Variants in UNC5A observed in about 807,000 individuals in gnomAD.
The protein encoded by UNC5A is unc-5 netrin receptor A.
UNC5A carries 20 observed loss-of-function variants against 87.4 expected under a neutral mutation model. That is an observed-to-expected ratio of 0.23 (90% confidence interval 0.16 to 0.33). UNC5A has a LOEUF of 0.33. Ranked by LOEUF, UNC5A falls within the 10% of genes least tolerant of loss-of-function variation. The pLI, the probability that UNC5A is intolerant of heterozygous loss-of-function variation, is 1.00. For missense variants in UNC5A, 844 were observed against 1,133.4 expected (o/e 0.74, Z 3.67); for synonymous variants, 438 against 482.3 (o/e 0.91, Z 1.20).
chr5:176,837,874 C>G (rs1026531012), intron 1 of UNC5A, among the ~76,000 whole-genome samples: 1 of 152,120 alleles, frequency 6.6e-6, no homozygotes, highest in Non-Finnish European at 1.5e-5. Context: ...GAGGCTGTCC[C>G]TCTGCGGACT....
At chr5:176,831,551 G>C (rs1167237530) in intron 1 of UNC5A, among the ~76,000 whole-genome samples, 1 of 152,224 alleles carries the variant, frequency 6.6e-6, no homozygotes, top group African/African-American at 2.4e-5. Context: ...AAGGGGCCTA[G>C]CCGTGGGCTG....
In UNC5A at chr5:176,869,024, A is replaced by T. The variant is rs1016433721; in HGVS notation, c.721+60A>T. ...CACTGCGGTGCCCCTGGGCAGTGAC[A>T]TGTGGCTGGTGGGGTGAAGAGAGGC... On this transcript the variant is annotated intron_variant, in intron 5 of 14. Transcript: ENST00000329542. This position sits in a 1 kb window ranked among gnomAD's most constrained non-coding sequence, Gnocchi z 9.1. 1.6e-5 allele frequency: 24 copies of T among 1,521,096 alleles called. No homozygotes were observed. In the Middle Eastern group the frequency reaches 9.6e-4, roughly 61 times the overall value. 94.2% of individuals were successfully genotyped at this position (1,521,096 alleles called of 1,614,324 possible).
intron 10 of UNC5A, 62 bp downstream of exon 10, chr5:176,877,765 G>T: frequency 6.5e-7 from 1 of 1,529,048 alleles, no homozygotes; most frequent in Non-Finnish European, 8.8e-7. Flanking sequence ...GCTCCACCCG[G>T]CCTTCCACCG....
At chr5:176,829,416 AATGGATGGATGG>A (rs770947463) in intron 1 of UNC5A, among the ~76,000 whole-genome samples, 2 of 75,958 alleles carry the variant, frequency 2.6e-5, no homozygotes, top group East Asian at 4.4e-4. Context: ...ATGAAAGATG[AATGGATGGATGG>A]ATGGATGGAT....
intron 1 of UNC5A, among the ~76,000 whole-genome samples, chr5:176,818,652 C>A (rs1756654048): frequency 6.6e-6 from 1 of 152,164 alleles, no homozygotes; most frequent in African/African-American, 2.4e-5. Context: ...TGCCCGATCT[C>A]CCCCACCACA....
chr5:176,854,250 C>T (rs1039677432), intron 1 of UNC5A, among the ~76,000 whole-genome samples: 1 of 152,092 alleles, frequency 6.6e-6, no homozygotes, highest in Non-Finnish European at 1.5e-5. Flanking sequence ...CACTCCCCAC[C>T]TTGCCCTCCT....
intron 1 of UNC5A, among the ~76,000 whole-genome samples, chr5:176,842,908 T>A (rs1222805430): frequency 1.3e-5 from 2 of 152,052 alleles, no homozygotes; most frequent in African/African-American, 4.8e-5. Flanking sequence ...ACACCTGTAA[T>A]CCCAACACTT....
At chr5:176,839,807 CTTTTTT>C (rs58515865) in intron 1 of UNC5A, among the ~76,000 whole-genome samples, 7 of 123,886 alleles carry the variant, frequency 5.7e-5, no homozygotes, top group African/African-American at 2.3e-4. Flanking sequence ...CGGCCACTTC[CTTTTTT>C]TTTTTTTTTT....
intron 1 of UNC5A, among the ~76,000 whole-genome samples, chr5:176,817,919 G>A (rs919061164): frequency 6.6e-6 from 1 of 152,138 alleles, no homozygotes; most frequent in African/African-American, 2.4e-5. Context: ...AGCCGGGAAG[G>A]GGCGGGATGC....
chr5:176,855,937 G>A (rs1757656755), intron 1 of UNC5A, among the ~76,000 whole-genome samples: 1 of 152,136 alleles, frequency 6.6e-6, no homozygotes, highest in African/African-American at 2.4e-5. Context: ...CTGGCCCCTC[G>A]CTGTGTTCCT....
intron 1 of UNC5A, among the ~76,000 whole-genome samples, chr5:176,858,525 A>G (rs1757719937): frequency 6.6e-6 from 1 of 152,080 alleles, no homozygotes; most frequent in African/African-American, 2.4e-5. Flanking sequence ...TGAAACACCC[A>G]TGGGAGCCAG....
rs1212245117 is a variant in UNC5A at position 176,865,405 on chromosome 5, C to T, written c.292+2560C>T. 2.2e-5 allele frequency: 8 copies of T among 355,698 alleles called. No individual in the cohort carries two copies. The East Asian group carries it at 3.8e-4, about 17-fold the overall frequency. The allele number at this position is 355,698 out of a possible 1,614,324, so 22.0% of individuals were successfully genotyped here. On this transcript the variant is annotated intron_variant, in intron 2 of 14. Coordinates refer to ENST00000329542, the MANE Select transcript of UNC5A (RefSeq NM_133369.3). The surrounding 1 kb of genome is among the most constrained non-coding windows in gnomAD (Gnocchi z 5.3). ...AGTCGCAGGCCCGGGCCGGCACACA[C>T]ACCGGGAGCCCCTGGCCCACACTCC...
In UNC5A at chr5:176,868,879, C is replaced by T. The variant is rs1469236319; in HGVS notation, c.636C>T (p.Arg212=). 6.2e-7 allele frequency: 1 copy of T among 1,612,912 alleles called. No individual in the cohort carries two copies. Among genetic ancestry groups the T allele is most frequent in the Admixed American group, 1.7e-5 (1 of 60,012 alleles). ...ACAGCCTGGTGGTGCGACAGGCCCG[C>T]CTTGCTGACACGGCCAACTACACCT... ...REHSLVVRQA[R]LADTANYTCV... Residue 212 remains arginine, a synonymous_variant, in exon 5 of 15, where the codon CGC becomes CGT. Transcript: ENST00000329542.
rs1270264067 is a variant in UNC5A at position 176,825,872 on chromosome 5, G to A, written c.70+15052G>A. ...AAACATTTATTGAGCACCTGCTGGC[G>A]CCAGGCCCGGCGTCAGGTGCCACAG... On this transcript the variant is annotated intron_variant, in intron 1 of 14. Coordinates refer to ENST00000329542, the MANE Select transcript of UNC5A (RefSeq NM_133369.3). 3.9e-5 allele frequency among the ~76,000 whole-genome samples: 6 copies of A among 152,344 alleles called. 1 individual carries two copies. The highest frequency in any genetic ancestry group is 4.1e-4 in the South Asian group (2 of 4,832).
At chr5:176,872,716 C>A (rs1758153632) in intron 6 of UNC5A, among the ~76,000 whole-genome samples, 1 of 121,972 alleles carries the variant, frequency 8.2e-6, no homozygotes, top group Non-Finnish European at 1.7e-5. Context: ...TCTGCCCACA[C>A]TCACCCCACA....
At chr5:176,851,155 G>A (rs540976722) in intron 1 of UNC5A, among the ~76,000 whole-genome samples, 49 of 152,360 alleles carry the variant, frequency 3.2e-4, no homozygotes, top group Non-Finnish European at 5.6e-4. Context: ...GGAACCCATC[G>A]CTCTCGACTT....
At chr5:176,846,173 G>A (rs1029113781) in intron 1 of UNC5A, among the ~76,000 whole-genome samples, 1 of 152,108 alleles carries the variant, frequency 6.6e-6, no homozygotes, top group Non-Finnish European at 1.5e-5. Flanking sequence ...CTGCCCTGAG[G>A]TCCTCACTGG....
At chr5:176,830,840 ATGTGTGTGTGCTGGCG>A (rs1286398077) in intron 1 of UNC5A, among the ~76,000 whole-genome samples, 43 of 64,546 alleles carry the variant, frequency 6.7e-4, no homozygotes, top group African/African-American at 2.4e-3. Context: ...ATGTGCTGGC[ATGTGTGTGTGCTGGCG>A]TGTGTGTGTG....
At chr5:176,835,816 G>C (rs1273032526) in intron 1 of UNC5A, among the ~76,000 whole-genome samples, 1 of 149,326 alleles carries the variant, frequency 6.7e-6, no homozygotes, top group Non-Finnish European at 1.5e-5. Flanking sequence ...TCCTGTCTAA[G>C]TGTCTTAACA....
Sources: gnomAD v4.1 joint callset for allele counts (sites outside exome capture counted in the v4.1 genomes callset) on GRCh38, gnomAD v4.1.1 for gene constraint, Gnocchi (gnomAD v3.1) non-coding constraint, MANE v1.5 for transcripts, NCBI Gene and HGNC (gene_info 2026-07-23, HGNC 2026-07-21) for gene names.